SEC31A: variants seen among roughly 807,000 people sequenced by gnomAD.
SEC31A encodes the protein protein transport protein Sec31A.
In SEC31A, 70 loss-of-function variants were observed where a neutral mutation model predicts 151.0. The ratio of observed to expected loss-of-function variants is 0.46; its 90% confidence interval spans 0.38 to 0.57. The LOEUF (loss-of-function observed/expected upper bound fraction) is 0.57, where lower values mean the gene tolerates loss of function less well. SEC31A is among the 20% of genes least tolerant of loss of function. The probability of loss-of-function intolerance (pLI) is 0.00; values close to 1 mark genes in which losing one functional copy is unlikely to be tolerated. For synonymous variants in SEC31A, 475 were observed against 505.9 expected, an observed-to-expected ratio of 0.94 and a Z score of 0.82; for missense variants, 1,330 against 1,471.2, an observed-to-expected ratio of 0.90 and a Z score of 1.57.
intron 22 of SEC31A, among the ~76,000 whole-genome samples, chr4:82,837,170 TATATATATATATATATATATATATATATA>T (rs1395537931): frequency 1.2e-4 from 5 of 42,722 alleles, no homozygotes; most frequent in East Asian, 4.8e-4. Context: ...TATATATATA[TATATATATATATATATATATATATATATA>T]ATTTCACCAC....
Position 82,856,943 on chromosome 4 carries a change from A to G in SEC31A, c.1881+9T>C, listed in dbSNP as rs753886024. On this transcript the variant is annotated intron_variant, in intron 16 of 26. Coordinates refer to ENST00000395310, the MANE Select transcript of SEC31A (RefSeq NM_001077207.4). The stretch of plus-strand genomic sequence containing the variant: ...AAATACGTTATTGCTTATTTTTAAA[A>G]TAACATACCCTGGTAATTTTGCTTT... 1.9e-6 allele frequency: 3 copies of G among 1,592,846 alleles called. No individual in the cohort carries two copies. The South Asian group carries it at 3.4e-5, about 18-fold the overall frequency.
chr4:82,860,891 A>G (rs778280991), intron 14 of SEC31A, among the ~76,000 whole-genome samples: 3 of 152,170 alleles, frequency 2.0e-5, no homozygotes, highest in Non-Finnish European at 4.4e-5. Context: ...GTAATAGACT[A>G]AATTTACTTA....
At chr4:82,835,389 C>A (rs528097402) in intron 22 of SEC31A, among the ~76,000 whole-genome samples, 1 of 152,286 alleles carries the variant, frequency 6.6e-6, no homozygotes, top group South Asian at 2.1e-4. Flanking sequence ...ATAATCCTCC[C>A]CTATCCTTTT....
chr4:82,881,718 C>G (rs1739383047), intron 2 of SEC31A, 140 bp downstream of exon 2: 2 of 652,524 alleles, frequency 3.1e-6, no homozygotes, highest in African/African-American at 3.6e-5. Flanking sequence ...AGGAAGAACA[C>G]TAAACTTGGC....
At chr4:82,841,440 TTTTATA>T (rs1380420260) in intron 22 of SEC31A, among the ~76,000 whole-genome samples, 8 of 18,370 alleles carry the variant, frequency 4.4e-4, no homozygotes, top group Non-Finnish European at 6.7e-4. Context: ...AAAAAAAAAA[TTTTATA>T]TATATATATA....
At position 82,864,407 on chromosome 4, in the gene SEC31A, A is replaced by G. The variant is rs748993122; in HGVS notation, c.1389T>C (p.Asp463=). The change falls in exon 11 of 27, where the codon GAT becomes GAC. Residue 463 remains aspartate, a synonymous_variant. Coordinates refer to ENST00000395310, the MANE Select transcript of SEC31A (RefSeq NM_001077207.4). The part of the protein sequence containing the change: ...GFINYCQKKI[D]ASQTEFEKNV... ...TTTTCTCAAATTCAGTCTGAGAAGC[A>G]TCAATTTTTTTTTGGCAATAATTGA... The G allele has an allele frequency of 1.2e-6, 2 of 1,614,204 alleles. No homozygotes were observed. Among genetic ancestry groups the G allele is most frequent in the Non-Finnish European group, 1.7e-6 (2 of 1,180,010 alleles).
chr4:82,884,244 C>T (rs933619141), intron 1 of SEC31A, among the ~76,000 whole-genome samples: 3 of 152,046 alleles, frequency 2.0e-5, no homozygotes, highest in Non-Finnish European at 2.9e-5. Flanking sequence ...CTTCCTCAGC[C>T]TCCCAAAGTG....
chr4:82,847,311 C>T (rs1363424074), intron 20 of SEC31A, among the ~76,000 whole-genome samples: 1 of 152,194 alleles, frequency 6.6e-6, no homozygotes, highest in Non-Finnish European at 1.5e-5. Flanking sequence ...TGCATTAAAA[C>T]CACAAGCCAC....
chr4:82,871,885 C>T (rs1736760910), intron 7 of SEC31A, 59 bp downstream of exon 7: 4 of 1,608,396 alleles, frequency 2.5e-6, no homozygotes, highest in Non-Finnish European at 3.4e-6. Flanking sequence ...GTCACGAAAA[C>T]ATCACCGACA....
intron 6 of SEC31A, among the ~76,000 whole-genome samples, chr4:82,874,300 G>GAA (rs5859840): frequency 1.7e-5 from 2 of 116,754 alleles, no homozygotes; most frequent in Non-Finnish European, 1.9e-5. Flanking sequence ...TCCGTCTCAA[G>GAA]AAAAAAAAAA....
intron 14 of SEC31A, among the ~76,000 whole-genome samples, chr4:82,858,160 C>T (rs1330177154): frequency 6.6e-6 from 1 of 151,890 alleles, no homozygotes; most frequent in South Asian, 2.1e-4. Context: ...TGCCTGTAAT[C>T]CCAGCACTTT....
intron 15 of SEC31A, among the ~76,000 whole-genome samples, chr4:82,857,343 T>C (rs1186477014): frequency 1.3e-5 from 1 of 77,336 alleles, no homozygotes; most frequent in Non-Finnish European, 4.1e-5. Context: ...AAATAATACA[T>C]TTTCCAGATG....
intron 1 of SEC31A, among the ~76,000 whole-genome samples, chr4:82,888,264 T>C (rs183877739): frequency 1.1e-3 from 157 of 138,666 alleles, no homozygotes; most frequent in African/African-American, 4.2e-3. Flanking sequence ...TAATCCCAGC[T>C]ACTCAGGAGG....
intron 8 of SEC31A, among the ~76,000 whole-genome samples, chr4:82,869,377 G>T (rs1428151267): frequency 4.0e-5 from 6 of 149,270 alleles, no homozygotes; most frequent in Admixed American, 4.0e-4. Context: ...TGCTCTGCCC[G>T]CCTCAGCCTC....
intron 21 of SEC31A, 175 bp from the exon 22 acceptor site, chr4:82,842,656 T>C (rs4615165): frequency 0.73 from 416,701 of 570,234 alleles, 157,899 homozygotes; most frequent in Admixed American, 0.8. Context: ...CCAAATACAC[T>C]TGAATTCAAT....
intron 25 of SEC31A, among the ~76,000 whole-genome samples, chr4:82,823,317 G>A (rs1016958686): frequency 7.9e-5 from 12 of 152,208 alleles, no homozygotes; most frequent in Non-Finnish European, 1.3e-4. Flanking sequence ...ACTACAGCCT[G>A]TCTATTTAGA....
At chr4:82,875,915 C>A in intron 4 of SEC31A, 93 bp from the exon 5 acceptor site, 1 of 565,864 alleles carries the variant, frequency 1.8e-6, no homozygotes, top group Non-Finnish European at 3.0e-6. Context: ...TTAGATGTAG[C>A]ATACACAATT....
In SEC31A at chr4:82,861,724, C is replaced by T. The variant is rs1366037446; in HGVS notation, c.1549-16G>A. On this transcript the variant is annotated splice_polypyrimidine_tract_variant and intron_variant, in intron 13 of 26. Coordinates refer to ENST00000395310, the MANE Select transcript of SEC31A (RefSeq NM_001077207.4). ...CTTTAAGAGCCTTTGGTACACAAAA[C>T]AATTACAGGGGAAGGTGAAGAATGT... 2.5e-6 allele frequency: 4 copies of T among 1,570,508 alleles called. No individual in the cohort carries two copies. Among genetic ancestry groups the T allele is most frequent in the Admixed American group, 3.4e-5 (2 of 58,884 alleles).
At chr4:82,838,242 T>C (rs1231256932) in intron 22 of SEC31A, among the ~76,000 whole-genome samples, 1 of 152,224 alleles carries the variant, frequency 6.6e-6, no homozygotes, top group Non-Finnish European at 1.5e-5. Context: ...TATACAGTAT[T>C]ATTCCCCTTC....
Sources: gnomAD v4.1 joint callset for allele counts (sites outside exome capture counted in the v4.1 genomes callset) on GRCh38, gnomAD v4.1.1 for gene constraint, MANE v1.5 for transcripts, NCBI Gene and HGNC (gene_info 2026-07-23, HGNC 2026-07-21) for gene names.